The following UGP2 variants were observed in gnomAD, a reference collection of about 807,000 sequenced individuals.
UGP2 encodes UTP--glucose-1-phosphate uridylyltransferase.
In UGP2, 40 loss-of-function variants were observed where a neutral mutation model predicts 49.0. The ratio of observed to expected loss-of-function variants is 0.82; its 90% confidence interval spans 0.63 to 1.06. The LOEUF (loss-of-function observed/expected upper bound fraction) is 1.06. Ranked by LOEUF, UGP2 falls within the 50% of genes least tolerant of loss-of-function variation. The pLI is 0.00. For synonymous variants in UGP2, 225 were observed against 213.0 expected, an observed-to-expected ratio of 1.06 and a Z score of -0.49; for missense variants, 460 against 603.5, an observed-to-expected ratio of 0.76 and a Z score of 2.49.
intron 8 of UGP2, 196 bp from the exon 9 acceptor site, chr2:63,889,885 A>G (rs1205101889): frequency 1.0e-5 from 5 of 491,770 alleles, no homozygotes; most frequent in Non-Finnish European, 1.8e-5. Flanking sequence ...TGTAAAAACA[A>G]TGTTTGTAGC....
intron 3 of UGP2, among the ~76,000 whole-genome samples, chr2:63,874,818 C>A (rs1349495332): frequency 1.3e-5 from 2 of 149,776 alleles, no homozygotes; most frequent in East Asian, 3.9e-4. Flanking sequence ...TTTTTTCTTG[C>A]TTCCCACCAT....
chr2:63,889,123 T>A (rs1671895625), intron 8 of UGP2: 1 of 152,168 alleles, frequency 6.6e-6, no homozygotes, highest in Admixed American at 6.5e-5. Flanking sequence ...CTGATTCAAG[T>A]AAGATGAGAA....
Position 63,842,642 on chromosome 2 carries a change from G to A in UGP2, c.19+438G>A, listed in dbSNP as rs757824750. The A allele has an allele frequency of 6.4e-5, 90 of 1,411,328 alleles. 2 individuals carry two copies. In the South Asian group the frequency reaches 1.3e-3, roughly 20 times the overall value. The allele number at this position is 1,411,328 out of a possible 1,614,324, so 87.4% of individuals were successfully genotyped here. A position where few individuals can be genotyped will look rare whatever the true frequency, so the allele number is the denominator to read the frequency against. On this transcript the variant is annotated intron_variant, in intron 1 of 9. Coordinates refer to ENST00000337130, the MANE Select transcript of UGP2 (RefSeq NM_006759.4). ...TGTTGGGGAAGCTTTAGTGTTCTCC[G>A]CTTCTACTTCGTTTGTGTGTACGTG...
intron 3 of UGP2, among the ~76,000 whole-genome samples, chr2:63,880,214 C>T (rs1331870568): frequency 1.0e-4 from 14 of 137,084 alleles, no homozygotes; most frequent in African/African-American, 3.7e-4. Flanking sequence ...GACAGGTTCT[C>T]ATTCTGTGGA....
At chr2:63,842,443 T>A (rs781383587) in intron 1 of UGP2, 1 of 1,552,172 alleles carries the variant, frequency 6.4e-7, no homozygotes, top group Non-Finnish European at 8.7e-7. Flanking sequence ...ATCAGGTTAG[T>A]AGTACCGTCG....
intron 3 of UGP2, among the ~76,000 whole-genome samples, chr2:63,876,713 A>T (rs572720315): frequency 7.4e-4 from 113 of 152,330 alleles, no homozygotes; most frequent in Middle Eastern, 3.4e-3. Context: ...AATACAACAC[A>T]TCACAGAGAA....
At position 63,855,343 on chromosome 2, in the gene UGP2, T is replaced by G. The variant is rs1669317672; in HGVS notation, c.20-963T>G. On this transcript the variant is annotated intron_variant, in intron 1 of 9. Transcript: ENST00000337130. ...TTTGAATAGAAACTTTACAAATACA[T>G]TTTTAAAATAAGATTGAATCAAATA... The G allele has an allele frequency of 9.8e-6, 4 of 409,064 alleles. No homozygotes were observed. In the Admixed American group the frequency reaches 1.4e-4, roughly 14 times the overall value. 25.3% of individuals were successfully genotyped at this position (409,064 alleles called of 1,614,324 possible).
intron 3 of UGP2, among the ~76,000 whole-genome samples, chr2:63,877,815 A>C (rs1164604340): frequency 6.6e-6 from 1 of 151,062 alleles, no homozygotes; most frequent in Non-Finnish European, 1.5e-5. Context: ...AACAAGGTGA[A>C]ACCCCGTCTC....
At position 63,887,581 on chromosome 2, in the gene UGP2, A is replaced by T. The variant is rs761486140; in HGVS notation, c.1251A>T (p.Thr417=). Residue 417 remains threonine, a synonymous_variant, in exon 8 of 10, where the codon ACA becomes ACT. Transcript: ENST00000337130. The stretch of plus-strand genomic sequence containing the variant: ...ATAGTCTTAATGCAGGATCTCTGAC[A>T]ATGAGTGAAAAGCGGGAATTTCCTA... ...NLYSLNAGSL[T]MSEKREFPTV... is the part of the protein sequence containing the mutation. 1.2e-6 allele frequency: 2 copies of T among 1,614,166 alleles called. No individual in the cohort carries two copies. The highest frequency in any genetic ancestry group is 3.3e-5 in the Admixed American group (2 of 60,008).
intron 3 of UGP2, among the ~76,000 whole-genome samples, chr2:63,877,178 A>G (rs1036000493): frequency 6.6e-6 from 1 of 152,144 alleles, no homozygotes; most frequent in African/African-American, 2.4e-5. Context: ...TGCAGTCACC[A>G]TAATGCACAT....
intron 5 of UGP2, 59 bp from the exon 6 acceptor site, chr2:63,885,530 T>A (rs1175517354): frequency 3.1e-6 from 4 of 1,305,344 alleles, no homozygotes. Context: ...TTATTTTATT[T>A]AAAGGCCTGA....
rs371974636 is a variant in UGP2, at chr2:63,885,654, A to G, written c.641A>G (p.Asn214Ser). Reference sequence around the variant, plus strand: ...AAGGACGTGTCTTACTCAGGGGAAAATACAGAAGCTTGGTACCCTCCAGGT... The same window carrying G: ...AAGGACGTGTCTTACTCAGGGGAAAGTACAGAAGCTTGGTACCCTCCAGGT... The part of the protein sequence containing the change: ...VAKDVSYSGE[N>S]TEAWYPPGHG... Residue 214 changes from asparagine to serine, a missense_variant, in exon 6 of 10, where the codon AAT becomes AGT. Physicochemically the swap from Asn to Ser is conservative, Grantham distance 46. Transcript: ENST00000337130. 5 of 1,612,520 alleles carry G rather than the reference A, an allele frequency of 3.1e-6. No homozygotes were observed. The African/African-American group carries it at 5.3e-5, about 17-fold the overall frequency.
chr2:63,846,917 A>G (rs1229831082), intron 1 of UGP2, among the ~76,000 whole-genome samples: 1 of 152,200 alleles, frequency 6.6e-6, no homozygotes, highest in Non-Finnish European at 1.5e-5. Flanking sequence ...TTTGAAGAGA[A>G]GGGTTTAGTT....
At chr2:63,858,552 C>T (rs1669608682) in intron 3 of UGP2, among the ~76,000 whole-genome samples, 3 of 151,688 alleles carry the variant, frequency 2.0e-5, no homozygotes, top group Admixed American at 6.6e-5. Context: ...AAATAAAAAT[C>T]TCACGTAATG....
intron 3 of UGP2, among the ~76,000 whole-genome samples, chr2:63,871,958 T>C (rs1670584710): frequency 6.6e-6 from 1 of 152,264 alleles, no homozygotes; most frequent in South Asian, 2.1e-4. Flanking sequence ...ATTTTAGGTT[T>C]TATAGGCCAT....
Position 63,886,489 on chromosome 2 carries a change from G to T in UGP2, c.1022G>T (p.Arg341Ile). 6.2e-7 allele frequency: 1 copy of T among 1,614,166 alleles called. No homozygotes were observed. The highest frequency in any genetic ancestry group is 2.2e-5 in the East Asian group (1 of 44,886). ...TGGATTTCTCTTGCAGCAGTTAAAA[G>T]ACTGCAGGAGCAAAATGCCATTGAC... is the stretch of plus-strand genomic sequence containing the variant. ...NLWISLAAVK[R>I]LQEQNAIDME... Residue 341 changes from arginine (R) to isoleucine (I), a missense_variant, in exon 7 of 10, where the codon AGA becomes ATA. Coordinates refer to ENST00000337130, the MANE Select transcript of UGP2 (RefSeq NM_006759.4).
intron 3 of UGP2, among the ~76,000 whole-genome samples, chr2:63,869,640 A>G (rs1396299896): frequency 6.6e-6 from 1 of 152,206 alleles, no homozygotes; most frequent in Non-Finnish European, 1.5e-5. Flanking sequence ...GTTTTTGCTT[A>G]GAGTTTTACT....
At chr2:63,857,605 T>A in intron 2 of UGP2, 2 of 569,426 alleles carry the variant, frequency 3.5e-6, no homozygotes, top group Non-Finnish European at 6.6e-6. Context: ...GCTCAAACGA[T>A]CAGCTGGCCT....
chr2:63,872,796 A>G (rs1260783139), intron 3 of UGP2, among the ~76,000 whole-genome samples: 1 of 152,062 alleles, frequency 6.6e-6, no homozygotes, highest in Non-Finnish European at 1.5e-5. Context: ...CCCTCAAAAA[A>G]AAAAAAAAAA....
Sources: allele counts gnomAD v4.1 joint callset (sites outside exome capture counted in the v4.1 genomes callset), GRCh38; gene constraint gnomAD v4.1.1; transcripts MANE v1.5; gene names NCBI Gene and HGNC (gene_info 2026-07-23, HGNC 2026-07-21).